The following ANKRD17 variants were observed in gnomAD, a reference collection of about 807,000 sequenced individuals.
The protein encoded by ANKRD17 is ankyrin repeat domain-containing protein 17.
A neutral mutation model predicts 229.7 loss-of-function variants in ANKRD17; 19 were observed. That is an observed-to-expected ratio of 0.08 (90% CI 0.06 to 0.12). The LOEUF (loss-of-function observed/expected upper bound fraction) is 0.12, where lower values mean the gene tolerates loss of function less well. ANKRD17 is among the 10% of genes least tolerant of loss of function. The pLI is 1.00. For missense variants in ANKRD17, 2,176 were observed against 3,176.8 expected (o/e 0.68, Z 7.57); for synonymous variants, 1,112 against 1,146.1 (o/e 0.97, Z 0.60).
intron 1 of ANKRD17, among the ~76,000 whole-genome samples, chr4:73,225,297 A>C (rs1303450681): frequency 2.0e-5 from 3 of 152,008 alleles, no homozygotes; most frequent in Admixed American, 2.0e-4. Context: ...ATGCTGGAAC[A>C]CTCTCCTTTT....
rs146870422 is a variant in ANKRD17, at chr4:73,138,165, A to G, written c.3085+1366T>C. ...GTGCTCCAACTTTCACAGGATATTT[A>G]ATAATTTTAAAAGTTTACTCTCAAT... On this transcript the variant is annotated intron_variant, in intron 15 of 33. Transcript: ENST00000358602. 1.4e-4 allele frequency among the ~76,000 whole-genome samples: 21 copies of G among 152,264 alleles called. No homozygotes were observed. The East Asian group carries it at 3.3e-3, about 24-fold the overall frequency.
chr4:73,166,211 AG>A (rs1175277872), intron 2 of ANKRD17, among the ~76,000 whole-genome samples: 1 of 152,260 alleles, frequency 6.6e-6, no homozygotes, highest in Non-Finnish European at 1.5e-5. Context: ...ACAGAACCCA[AG>A]GATCACCAGA....
chr4:73,156,209 TA>T (rs1212614869), intron 3 of ANKRD17, 43 bp from the exon 4 acceptor site: 1 of 1,538,906 alleles, frequency 6.5e-7, no homozygotes, highest in Non-Finnish European at 8.7e-7. Context: ...ATAAGAATAT[TA>T]AAAAATTGCA....
At chr4:73,084,039 T>C (rs1156887546) in intron 30 of ANKRD17, among the ~76,000 whole-genome samples, 1 of 152,056 alleles carries the variant, frequency 6.6e-6, no homozygotes, top group Non-Finnish European at 1.5e-5. Context: ...CCAACCTTAC[T>C]ACAGAATTCT....
chr4:73,191,432 A>G (rs1391585595), intron 1 of ANKRD17, among the ~76,000 whole-genome samples: 1 of 147,770 alleles, frequency 6.8e-6, no homozygotes, highest in Non-Finnish European at 1.5e-5. Flanking sequence ...AAATAAAACT[A>G]AGTAGTAGAA....
intron 18 of ANKRD17, among the ~76,000 whole-genome samples, chr4:73,123,436 A>G (rs1727017140): frequency 6.6e-6 from 1 of 152,076 alleles, no homozygotes; most frequent in Non-Finnish European, 1.5e-5. Context: ...GAAAAAAGTG[A>G]CACAAGTAGA....
intron 7 of ANKRD17, among the ~76,000 whole-genome samples, chr4:73,150,080 T>C (rs996409981): frequency 6.6e-6 from 1 of 152,184 alleles, no homozygotes; most frequent in African/African-American, 2.4e-5. Flanking sequence ...ACAATTTTAA[T>C]GGCTTACTAC....
intron 11 of ANKRD17, among the ~76,000 whole-genome samples, chr4:73,143,477 A>G (rs575063234): frequency 6.6e-6 from 1 of 152,216 alleles, no homozygotes; most frequent in African/African-American, 2.4e-5. Context: ...AGAAATGGAA[A>G]TAAAACAGCA....
intron 1 of ANKRD17, among the ~76,000 whole-genome samples, chr4:73,203,950 T>TG (rs534314599): frequency 6.6e-5 from 10 of 151,288 alleles, no homozygotes; most frequent in Non-Finnish European, 1.0e-4. Context: ...AAAACAGCCA[T>TG]GGGGGGGAAA....
At chr4:73,103,354 CAGG>C (rs750887957) in intron 24 of ANKRD17, among the ~76,000 whole-genome samples, 4 of 151,962 alleles carry the variant, frequency 2.6e-5, no homozygotes, top group Non-Finnish European at 4.4e-5. Context: ...GAGGGTGGAA[CAGG>C]AGGAGGGATA....
At chr4:73,136,317 T>C (rs565388369) in intron 15 of ANKRD17, among the ~76,000 whole-genome samples, 1 of 152,264 alleles carries the variant, frequency 6.6e-6, no homozygotes, top group South Asian at 2.1e-4. Flanking sequence ...AAAACAATCA[T>C]GATTCACAAC....
rs936274450 is a variant in ANKRD17, at chr4:73,090,573, C to T, written c.6961+94G>A. The T allele has an allele frequency of 1.2e-5, 18 of 1,470,714 alleles. No individual in the cohort carries two copies. The African/African-American group carries it at 2.4e-4, about 20-fold the overall frequency. The allele number at this position is 1,470,714 out of a possible 1,614,324, so 91.1% of individuals were successfully genotyped here. ...TAAATCCAACAATCTTTGTCTATAT[C>T]GTCCAGAGAATAAAAATATTAGAAA... On this transcript the variant is annotated intron_variant, in intron 29 of 33. Coordinates refer to ENST00000358602, the MANE Select transcript of ANKRD17 (RefSeq NM_032217.5).
intron 23 of ANKRD17, among the ~76,000 whole-genome samples, chr4:73,115,212 A>G (rs1340406532): frequency 6.6e-6 from 1 of 152,224 alleles, no homozygotes; most frequent in African/African-American, 2.4e-5. Flanking sequence ...TACAGAGGAC[A>G]GCCCTAATGA....
Position 73,091,875 on chromosome 4 carries a change from G to T in ANKRD17, c.5753C>A (p.Pro1918Gln), listed in dbSNP as rs760383257. The T allele has an allele frequency of 9.9e-6, 16 of 1,614,162 alleles. No individual in the cohort carries two copies. In the South Asian group the frequency reaches 1.8e-4, roughly 18 times the overall value. ...CGGACCCCAAGTGGATTGAGCTGGTGGAAAAGTACCTCCAAAGTGGGTCAT... is the reference window on the plus strand; with the variant it reads ...CGGACCCCAAGTGGATTGAGCTGGTTGAAAAGTACCTCCAAAGTGGGTCAT... The part of the protein sequence containing the change: ...LPMTHFGGTF[P>Q]PAQSTWGPFP... The change falls in exon 29 of 34, where the codon CCA becomes CAA. Residue 1918 changes from proline to glutamine, a missense_variant. This residue lies in a region of ANKRD17 where 142 missense variants were observed against 200.4 expected (regional missense o/e 0.71). Transcript: ENST00000358602.
intron 1 of ANKRD17, among the ~76,000 whole-genome samples, chr4:73,188,063 A>C (rs551323148): frequency 2.5e-4 from 38 of 152,290 alleles, no homozygotes; most frequent in Admixed American, 7.2e-4. Context: ...TATCTTAAGC[A>C]AAACAGAAAA....
chr4:73,132,829 C>G (rs1353977438), intron 16 of ANKRD17, among the ~76,000 whole-genome samples: 8 of 152,160 alleles, frequency 5.3e-5, no homozygotes, highest in Non-Finnish European at 7.4e-5. Context: ...ACTGGACAAA[C>G]TTTTCTGTGC....
chr4:73,099,513 C>A (rs1723705946), intron 25 of ANKRD17, among the ~76,000 whole-genome samples: 1 of 152,234 alleles, frequency 6.6e-6, no homozygotes, highest in South Asian at 2.1e-4. Context: ...TGGGGGCACC[C>A]TCTCTGCTCC....
chr4:73,186,592 G>T (rs1736324143), intron 1 of ANKRD17, among the ~76,000 whole-genome samples: 1 of 152,024 alleles, frequency 6.6e-6, no homozygotes, highest in African/African-American at 2.4e-5. Flanking sequence ...ACACAGCTTT[G>T]TTCTATAGCA....
chr4:73,148,990 C>G lies in ANKRD17; in HGVS notation c.1390G>C (p.Ala464Pro). The change falls in exon 8 of 34, where the codon GCT (alanine) becomes CCT (proline). Residue 464 changes from alanine to proline, a missense_variant. Physicochemically the swap from Ala to Pro is conservative, Grantham distance 27. Transcript: ENST00000358602. The stretch of plus-strand genomic sequence containing the variant: ...GTTAATGGTGACTCAAATGAATCAG[C>G]AGGCATGTTCACTTGGGCACCGCTG... Reference protein sequence around the residue: ...LDSGAQVNMPADSFESPLTLA... With the variant: ...LDSGAQVNMPPDSFESPLTLA... The G allele has an allele frequency of 6.2e-7, 1 of 1,612,890 alleles. No individual in the cohort carries two copies. The highest frequency in any genetic ancestry group is 8.5e-7 in the Non-Finnish European group (1 of 1,179,364).
Sources: allele counts gnomAD v4.1 joint callset (sites outside exome capture counted in the v4.1 genomes callset), GRCh38; gene constraint gnomAD v4.1.1; regional missense constraint gnomAD v4.1.1; transcripts MANE v1.5; gene names NCBI Gene and HGNC (gene_info 2026-07-23, HGNC 2026-07-21).